Variants in CATSPERB observed in about 807,000 individuals in gnomAD.
CATSPERB encodes catsper channel auxiliary subunit beta.
CATSPERB carries 93 observed loss-of-function variants against 128.3 expected under a neutral mutation model. The ratio of observed to expected loss-of-function variants is 0.72; its 90% CI spans 0.61 to 0.86. CATSPERB has a LOEUF of 0.86. Ranked by LOEUF, CATSPERB falls within the 40% of genes least tolerant of loss-of-function variation. The probability of loss-of-function intolerance (pLI) is 0.00; values close to 1 mark genes in which losing one functional copy is unlikely to be tolerated. For synonymous variants in CATSPERB, 381 were observed against 448.8 expected (o/e 0.85, Z 1.91); for missense variants, 1,153 against 1,329.5 (o/e 0.87, Z 2.06).
chr14:91,617,514 G>T, intron 20 of CATSPERB, 83 bp downstream of exon 20: 1 of 984,856 alleles, frequency 1.0e-6, no homozygotes, highest in African/African-American at 1.7e-5. Context: ...TGTTTAAAAT[G>T]ATGCTCATTA....
intron 13 of CATSPERB, among the ~76,000 whole-genome samples, chr14:91,672,380 G>C (rs1305697366): frequency 6.6e-6 from 1 of 152,036 alleles, no homozygotes; most frequent in Non-Finnish European, 1.5e-5. Flanking sequence ...TGAAATCCTG[G>C]CCTCAAGCCT....
chr14:91,707,475 T>C (rs1895751698), intron 6 of CATSPERB, among the ~76,000 whole-genome samples: 1 of 151,644 alleles, frequency 6.6e-6, no homozygotes, highest in African/African-American at 2.4e-5. Flanking sequence ...GGAAGCTACC[T>C]AAAAAACTAC....
intron 7 of CATSPERB, among the ~76,000 whole-genome samples, chr14:91,702,253 G>T (rs1895662863): frequency 6.6e-6 from 1 of 151,858 alleles, no homozygotes; most frequent in South Asian, 2.1e-4. Flanking sequence ...CCTATTCACA[G>T]AACAACATAA....
chr14:91,693,314 T>G (rs1475173963), intron 8 of CATSPERB, 70 bp from the exon 9 acceptor site: 2 of 1,541,744 alleles, frequency 1.3e-6, no homozygotes, highest in Non-Finnish European at 1.8e-6. Context: ...AGCAAAGACA[T>G]TTTATAGATA....
intron 17 of CATSPERB, among the ~76,000 whole-genome samples, chr14:91,626,358 A>AC (rs1894160947): frequency 1.2e-5 from 1 of 84,720 alleles, no homozygotes; most frequent in Non-Finnish European, 2.2e-5. Flanking sequence ...GAGAGGTGGG[A>AC]CTTTTTTTTT....
At chr14:91,631,935 A>G (rs560491805) in intron 17 of CATSPERB, among the ~76,000 whole-genome samples, 1 of 152,232 alleles carries the variant, frequency 6.6e-6, no homozygotes, top group East Asian at 1.9e-4. Flanking sequence ...ATGAAAAAGC[A>G]AAATAAAACA....
chr14:91,636,175 C>A (rs1894370352), intron 17 of CATSPERB: 2 of 374,790 alleles, frequency 5.3e-6, no homozygotes, highest in African/African-American at 2.0e-5. Context: ...CCAGCCTGGG[C>A]AACATGGTGA....
At chr14:91,625,880 C>T (rs911066605) in intron 17 of CATSPERB, among the ~76,000 whole-genome samples, 2 of 152,202 alleles carry the variant, frequency 1.3e-5, no homozygotes, top group Non-Finnish European at 2.9e-5. Flanking sequence ...AATCCCAGCA[C>T]TTTGGGAGCT....
intron 4 of CATSPERB, 107 bp downstream of exon 4, chr14:91,722,942 A>G (rs1896058171): frequency 2.4e-6 from 2 of 819,154 alleles, no homozygotes; most frequent in South Asian, 9.1e-5. Flanking sequence ...TAAAACATAC[A>G]TAGATGTAAT....
At chr14:91,662,758 G>A (rs367872296) in intron 14 of CATSPERB, among the ~76,000 whole-genome samples, 3 of 152,102 alleles carry the variant, frequency 2.0e-5, no homozygotes, top group East Asian at 1.9e-4. Context: ...AAATGATATC[G>A]TCGTTCATTC....
rs757052940 is a variant in CATSPERB, at chr14:91,617,686, T to G, written c.2311A>C (p.Asn771His). 1.2e-6 allele frequency: 2 copies of G among 1,601,312 alleles called. No individual in the cohort carries two copies. Among genetic ancestry groups the G allele is most frequent in the African/African-American group, 2.7e-5 (2 of 74,346 alleles). The change falls in exon 20 of 27, where the codon AAT (asparagine) becomes CAT (histidine). Residue 771 changes from asparagine to histidine, a missense_variant. Transcript: ENST00000256343. Reference protein sequence around the residue: ...PLLTVFVGNPNLLEVTAEVTF... With the variant: ...PLLTVFVGNPHLLEVTAEVTF... ...ACTTCAGCTGTAACTTCCAACAAAT[T>G]AGGGTTTCCAACAAACACAGTCAGT...
intron 20 of CATSPERB, among the ~76,000 whole-genome samples, chr14:91,611,702 A>T (rs2402045): frequency 0.91 from 139,242 of 152,270 alleles, 63,700 homozygotes; most frequent in East Asian, 0.97. Flanking sequence ...CTGTATTATA[A>T]TCAGTACTTG....
chr14:91,587,277 C>T lies in CATSPERB; in HGVS notation c.3058-1G>A, dbSNP rs147493681. 13 of 1,599,304 alleles carry T rather than the reference C, an allele frequency of 8.1e-6. No individual in the cohort carries two copies. The highest frequency in any genetic ancestry group is 1.1e-5 in the Non-Finnish European group (13 of 1,174,634). On this transcript the variant is annotated splice_acceptor_variant, in intron 25 of 26. Coordinates refer to ENST00000256343, the MANE Select transcript of CATSPERB (RefSeq NM_024764.4). LOFTEE classifies it high-confidence loss of function. ...CTCTAAAGTGGAAAAGTTCAGAGCC[C>T]TGTGGAAAAAAGCACACCCAGTTGT... is the stretch of plus-strand genomic sequence containing the variant.
chr14:91,627,211 C>T (rs796853256), intron 17 of CATSPERB, among the ~76,000 whole-genome samples: 2 of 152,208 alleles, frequency 1.3e-5, no homozygotes, highest in African/African-American at 4.8e-5. Flanking sequence ...TGGTACCTTA[C>T]TAAAATTACA....
chr14:91,671,827 C>A (rs540140041), intron 13 of CATSPERB, among the ~76,000 whole-genome samples: 89 of 151,966 alleles, frequency 5.9e-4, no homozygotes, highest in South Asian at 1.9e-3. Context: ...GTCAGGAGAT[C>A]GAGACCACGG....
chr14:91,688,236 G>T (rs928268679), intron 10 of CATSPERB, among the ~76,000 whole-genome samples: 2 of 152,088 alleles, frequency 1.3e-5, no homozygotes, highest in African/African-American at 2.4e-5. Context: ...TCTGGACTTT[G>T]GTTCTTTTGT....
intron 6 of CATSPERB, 94 bp from the exon 7 acceptor site, chr14:91,704,795 A>G (rs1297660127): frequency 3.0e-5 from 39 of 1,297,832 alleles, no homozygotes; most frequent in Non-Finnish European, 4.2e-5. Context: ...CTATGTAAAG[A>G]AACTATTCTA....
At chr14:91,619,263 C>A (rs1460588903) in intron 19 of CATSPERB, among the ~76,000 whole-genome samples, 14 of 152,056 alleles carry the variant, frequency 9.2e-5, no homozygotes, top group Non-Finnish European at 2.9e-5. Flanking sequence ...AATATTGGAA[C>A]AACTAGCTAA....
chr14:91,731,669 C>A (rs1896213677), intron 1 of CATSPERB, among the ~76,000 whole-genome samples: 2 of 152,178 alleles, frequency 1.3e-5, no homozygotes, highest in African/African-American at 4.8e-5. Flanking sequence ...CCCTACTGAC[C>A]TACTTAGCAG....
Sources: gnomAD v4.1 joint callset for allele counts (sites outside exome capture counted in the v4.1 genomes callset) on GRCh38, gnomAD v4.1.1 for gene constraint, MANE v1.5 for transcripts, NCBI Gene and HGNC (gene_info 2026-07-23, HGNC 2026-07-21) for gene names.